Variants in KIAA1549L observed in about 807,000 individuals in gnomAD.
The protein encoded by KIAA1549L is UPF0606 protein KIAA1549L.
A neutral mutation model predicts 160.7 loss-of-function variants in KIAA1549L; 88 were observed. The ratio of observed to expected loss-of-function variants is 0.55; its 90% CI spans 0.46 to 0.65. The LOEUF is 0.65. Among genes scored for constraint, KIAA1549L ranks in the 30% least tolerant of loss-of-function variants. The pLI, the probability that KIAA1549L is intolerant of heterozygous loss-of-function variation, is 0.00. For missense variants in KIAA1549L, 2,258 were observed against 2,437.5 expected, an observed-to-expected ratio of 0.93 and a Z score of 1.55; for synonymous variants, 950 against 976.7, an observed-to-expected ratio of 0.97 and a Z score of 0.51.
At chr11:33,438,891 G>A (rs1851434741) in intron 1 of KIAA1549L, among the ~76,000 whole-genome samples, 1 of 147,558 alleles carries the variant, frequency 6.8e-6, no homozygotes, top group South Asian at 2.1e-4. Context: ...GGACTCTCAA[G>A]CTTAGAATCT....
chr11:33,433,527 A>G (rs2132923550), intron 1 of KIAA1549L, among the ~76,000 whole-genome samples: 2 of 152,310 alleles, frequency 1.3e-5, no homozygotes, highest in Middle Eastern at 6.8e-3. Context: ...GGAAGACAGT[A>G]TGGTGATCCC....
At chr11:33,630,485 C>T (rs927816412) in intron 16 of KIAA1549L, among the ~76,000 whole-genome samples, 29 of 151,998 alleles carry the variant, frequency 1.9e-4, no homozygotes, top group African/African-American at 6.0e-4. Flanking sequence ...TCTCCTGGTG[C>T]GCCATTTTTT....
At chr11:33,601,994 G>C (rs926873989) in intron 13 of KIAA1549L, among the ~76,000 whole-genome samples, 1 of 152,164 alleles carries the variant, frequency 6.6e-6, no homozygotes, top group Non-Finnish European at 1.5e-5. Context: ...TTGAATTTCT[G>C]AGCCAATTTC....
chr11:33,435,814 G>GTATATATATA (rs751404275), intron 1 of KIAA1549L, among the ~76,000 whole-genome samples: 15,893 of 32,922 alleles, frequency 0.48, 4,471 homozygotes, highest in East Asian at 0.71. Flanking sequence ...ATATATATGT[G>GTATATATATA]TGTGTATATA....
intron 16 of KIAA1549L, among the ~76,000 whole-genome samples, chr11:33,633,950 C>T (rs138071943): frequency 3.9e-5 from 6 of 152,292 alleles, no homozygotes; most frequent in Admixed American, 6.5e-5. Flanking sequence ...AGAAAACAGG[C>T]GGTGAACATT....
At chr11:33,534,546 G>A (rs918167616) in intron 1 of KIAA1549L, among the ~76,000 whole-genome samples, 1 of 148,698 alleles carries the variant, frequency 6.7e-6, no homozygotes, top group African/African-American at 2.5e-5. Context: ...CTAAAATTCT[G>A]TAATTTGGCT....
intron 16 of KIAA1549L, among the ~76,000 whole-genome samples, chr11:33,625,332 A>T (rs192628259): frequency 0.096 from 14,562 of 152,114 alleles, 758 homozygotes; most frequent in Middle Eastern, 0.19. Context: ...AGGAATCGCC[A>T]CACTGACTTC....
intron 1 of KIAA1549L, among the ~76,000 whole-genome samples, chr11:33,409,329 T>C (rs949883839): frequency 3.3e-5 from 5 of 152,206 alleles, no homozygotes; most frequent in Non-Finnish European, 7.3e-5. Flanking sequence ...CATAACTTAC[T>C]GTTCTCTAAA....
chr11:33,530,432 AAAAAATATATATATATATATAT>A (rs1333538862), intron 1 of KIAA1549L, among the ~76,000 whole-genome samples: 156 of 10,310 alleles, frequency 0.015, 11 homozygotes, highest in African/African-American at 0.059. Flanking sequence ...AAAAAAAAAA[AAAAAATATATATATATATATAT>A]ATATATATAT....
At chr11:33,420,234 TG>T (rs367745413) in intron 1 of KIAA1549L, among the ~76,000 whole-genome samples, 5,051 of 42,474 alleles carry the variant, frequency 0.12, 251 homozygotes, top group African/African-American at 0.17. Flanking sequence ...GTTTTTTTTT[TG>T]TTTTTTTTTT....
chr11:33,633,961 A>T (rs1287594418), intron 16 of KIAA1549L, among the ~76,000 whole-genome samples: 1 of 152,218 alleles, frequency 6.6e-6, no homozygotes, highest in Non-Finnish European at 1.5e-5. Context: ...GGTGAACATT[A>T]GCTATTATAA....
At chr11:33,573,675 A>C (rs1201111257) in intron 9 of KIAA1549L, among the ~76,000 whole-genome samples, 1 of 152,158 alleles carries the variant, frequency 6.6e-6, no homozygotes. Flanking sequence ...TCTGTAATAT[A>C]AACTTTGGAA....
At chr11:33,615,475 A>C (rs1850784737) in intron 15 of KIAA1549L, among the ~76,000 whole-genome samples, 1 of 152,208 alleles carries the variant, frequency 6.6e-6, no homozygotes, top group African/African-American at 2.4e-5. Flanking sequence ...CAAGAAATGA[A>C]TATACCTAAT....
rs74942480 is a variant in KIAA1549L, at chr11:33,492,945, A to G, written c.239-48857A>G. On this transcript the variant is annotated intron_variant, in intron 1 of 20. Coordinates refer to ENST00000658780, the MANE Select transcript of KIAA1549L (RefSeq NM_012194.3). Reference sequence around the variant, plus strand: ...GGGAGTGATACAGCTTGTATTCGTGATCAGGAAAACACAGTGTTTTCCTTT... The same window carrying G: ...GGGAGTGATACAGCTTGTATTCGTGGTCAGGAAAACACAGTGTTTTCCTTT... 2.4e-3 allele frequency among the ~76,000 whole-genome samples: 372 copies of G among 152,172 alleles called. 4 individuals are homozygous for G. In the South Asian group the frequency reaches 0.025, roughly 10 times the overall value.
At chr11:33,567,106 A>G (rs1485378594) in intron 8 of KIAA1549L, among the ~76,000 whole-genome samples, 3 of 152,118 alleles carry the variant, frequency 2.0e-5, no homozygotes, top group Non-Finnish European at 4.4e-5. Flanking sequence ...TGGTCCTGAA[A>G]ACCCTCCTCC....
chr11:33,665,001 C>CCTGT (rs1277395273), intron 20 of KIAA1549L, among the ~76,000 whole-genome samples: 3 of 152,156 alleles, frequency 2.0e-5, no homozygotes, highest in Admixed American at 6.5e-5. Flanking sequence ...TGAATCCAGT[C>CCTGT]CTGTCTGTCT....
intron 1 of KIAA1549L, among the ~76,000 whole-genome samples, chr11:33,480,481 C>T (rs1436025385): frequency 2.0e-5 from 3 of 152,242 alleles, no homozygotes; most frequent in South Asian, 4.2e-4. Flanking sequence ...TGTGAACACT[C>T]GTGTACAAGT....
chr11:33,606,717 A>G lies in KIAA1549L; in HGVS notation c.4956A>G (p.Thr1652=), dbSNP rs754492090. Reference sequence around the variant, plus strand: ...AGGTGGCCGCTGAACCCTTTGACACATCTTCTGGGTCTGTGCAGCTCATTG... The same window carrying G: ...AGGTGGCCGCTGAACCCTTTGACACGTCTTCTGGGTCTGTGCAGCTCATTG... ...SSKVAAEPFD[T]SSGSVQLIAI... Residue 1652 remains threonine, a synonymous_variant, in exon 14 of 21, where the codon ACA becomes ACG. Transcript: ENST00000658780. 47 of 1,613,734 alleles carry G rather than the reference A, an allele frequency of 2.9e-5. No individual in the cohort carries two copies. In the South Asian group the frequency reaches 4.8e-4, roughly 17 times the overall value.
chr11:33,543,174 A>C lies in KIAA1549L; in HGVS notation c.1611A>C (p.Ala537=). The change falls in exon 2 of 21, where the codon GCA becomes GCC. Residue 537 remains alanine, a synonymous_variant. Transcript: ENST00000658780. ...PAEGSDGSPP[A]TRDLLLSSKV... The stretch of plus-strand genomic sequence containing the variant: ...AGGGCAGTGATGGGTCCCCTCCTGC[A>C]ACTAGAGACTTGCTCCTCTCAAGCA... The C allele has an allele frequency of 6.2e-7, 1 of 1,613,942 alleles. No homozygotes were observed. The highest frequency in any genetic ancestry group is 8.5e-7 in the Non-Finnish European group (1 of 1,179,892).
Sources: allele counts gnomAD v4.1 joint callset (sites outside exome capture counted in the v4.1 genomes callset), GRCh38; gene constraint gnomAD v4.1.1; transcripts MANE v1.5; gene names NCBI Gene and HGNC (gene_info 2026-07-23, HGNC 2026-07-21).